MPP7: variants seen among roughly 807,000 people sequenced by gnomAD.
MPP7 encodes MAGUK p55 subfamily member 7.
A neutral mutation model predicts 76.5 loss-of-function variants in MPP7; 60 were observed. The observed-to-expected ratio is 0.78, with a 90% CI of 0.64 to 0.97. The LOEUF is 0.97. Ranked by LOEUF, MPP7 falls within the 50% of genes least tolerant of loss-of-function variation. MPP7 has a pLI of 0.00. For synonymous variants in MPP7, 237 were observed against 244.5 expected, an observed-to-expected ratio of 0.97 and a Z score of 0.29; for missense variants, 641 against 694.0, an observed-to-expected ratio of 0.92 and a Z score of 0.86.
intron 5 of MPP7, among the ~76,000 whole-genome samples, chr10:28,135,203 A>G (rs1835316211): frequency 6.6e-6 from 1 of 152,152 alleles, no homozygotes; most frequent in Admixed American, 6.5e-5. Context: ...TGAGTTGGGA[A>G]AACAGAGCTG....
chr10:28,247,897 A>G (rs532404932), intron 1 of MPP7, among the ~76,000 whole-genome samples: 1 of 152,248 alleles, frequency 6.6e-6, no homozygotes, highest in African/African-American at 2.4e-5. Flanking sequence ...AATAACCTCA[A>G]TTTTTATACT....
At chr10:28,320,781 A>C (rs1028375245) in intron 2 of MPP7, among the ~76,000 whole-genome samples, 4 of 150,928 alleles carry the variant, frequency 2.7e-5, no homozygotes, top group Non-Finnish European at 5.9e-5. Flanking sequence ...TCAAGCCTAC[A>C]TCTCCTATTT....
At chr10:28,249,798 C>T (rs1839553993) in intron 1 of MPP7, among the ~76,000 whole-genome samples, 1 of 152,124 alleles carries the variant, frequency 6.6e-6, no homozygotes, top group Non-Finnish European at 1.5e-5. Flanking sequence ...TGCACCTTCC[C>T]CTGGTGGGAG....
At chr10:28,272,753 G>T (rs1840365288) in intron 1 of MPP7, among the ~76,000 whole-genome samples, 1 of 152,100 alleles carries the variant, frequency 6.6e-6, no homozygotes, top group Admixed American at 6.6e-5. Flanking sequence ...AATGGAACAG[G>T]AGGGGAAAAG....
intron 1 of MPP7, among the ~76,000 whole-genome samples, chr10:28,239,851 A>G (rs1839208072): frequency 6.6e-6 from 1 of 152,198 alleles, no homozygotes; most frequent in African/African-American, 2.4e-5. Flanking sequence ...ATATGCAAAT[A>G]GAGACAATAG....
At chr10:28,111,690 A>G (rs1834511797) in intron 11 of MPP7, among the ~76,000 whole-genome samples, 1 of 152,228 alleles carries the variant, frequency 6.6e-6, no homozygotes, top group Admixed American at 6.5e-5. Flanking sequence ...GTTATGCAGA[A>G]TCATTTATTT....
intron 3 of MPP7, among the ~76,000 whole-genome samples, chr10:28,180,627 A>G (rs556781738): frequency 9.2e-5 from 14 of 152,346 alleles, no homozygotes; most frequent in Middle Eastern, 3.4e-3. Flanking sequence ...ATATTGTGGT[A>G]ATAAGCAATG....
At chr10:28,210,258 A>C (rs1028561628) in intron 2 of MPP7, among the ~76,000 whole-genome samples, 1 of 152,150 alleles carries the variant, frequency 6.6e-6, no homozygotes, top group African/African-American at 2.4e-5. Flanking sequence ...AAACACACAC[A>C]CCTATATAAG....
chr10:28,234,882 C>G (rs1312666498), intron 2 of MPP7, among the ~76,000 whole-genome samples: 12 of 152,212 alleles, frequency 7.9e-5, no homozygotes. Context: ...GTGATCACTG[C>G]TCACTGCAGC....
chr10:28,143,234 G>A (rs1835584221), intron 5 of MPP7, among the ~76,000 whole-genome samples: 1 of 152,126 alleles, frequency 6.6e-6, no homozygotes, highest in Non-Finnish European at 1.5e-5. Context: ...ATCCCTAGAG[G>A]TATATGAACA....
intron 2 of MPP7, among the ~76,000 whole-genome samples, chr10:28,223,883 C>A (rs925915755): frequency 6.7e-6 from 1 of 150,140 alleles, no homozygotes; most frequent in Non-Finnish European, 1.5e-5. Flanking sequence ...TCTTGGATGC[C>A]ATAAACGTCA....
intron 12 of MPP7, among the ~76,000 whole-genome samples, chr10:28,079,555 AC>A (rs1852662245): frequency 6.6e-6 from 1 of 152,204 alleles, no homozygotes; most frequent in Non-Finnish European, 1.5e-5. Flanking sequence ...TCAGGCAATA[AC>A]ATCAGCGCCT....
intron 1 of MPP7, among the ~76,000 whole-genome samples, chr10:28,259,866 C>G (rs1239971739): frequency 6.6e-6 from 1 of 151,784 alleles, no homozygotes; most frequent in Non-Finnish European, 1.5e-5. Context: ...CCCTGTAATG[C>G]CAACTGCTCA....
chr10:28,174,009 T>C (rs988908074), intron 3 of MPP7, among the ~76,000 whole-genome samples: 1 of 152,064 alleles, frequency 6.6e-6, no homozygotes, highest in Non-Finnish European at 1.5e-5. Flanking sequence ...AACAGTCCCA[T>C]ACGAAACATA....
chr10:28,312,610 T>G (rs1277083028), intron 2 of MPP7, among the ~76,000 whole-genome samples: 3 of 152,204 alleles, frequency 2.0e-5, no homozygotes, highest in Non-Finnish European at 4.4e-5. Context: ...CGTGAACACT[T>G]TGTAACACGT....
At chr10:28,262,249 A>G (rs1229923658) in intron 1 of MPP7, among the ~76,000 whole-genome samples, 4 of 62,818 alleles carry the variant, frequency 6.4e-5, no homozygotes, top group Admixed American at 2.4e-4. Context: ...ATATACATAT[A>G]TATATATATG....
rs1180997584 is a variant in MPP7, at chr10:28,052,139, GT to G, written c.*1925del. 3 of 151,978 alleles carry G rather than the reference GT, an allele frequency of 2.0e-5. No homozygotes were observed. The highest frequency in any genetic ancestry group is 7.3e-5 in the African/African-American group (3 of 41,376). The allele number at this position is 151,978 out of a possible 1,614,324, so 9.4% of individuals were successfully genotyped here. ...TATCTGCAATTTTTTTAAAATGTGG[GT>G]ATTTCAGGGTAAAGAATTTGGACTG... On this transcript the variant is annotated 3_prime_UTR_variant, in exon 17 of 17. Transcript: ENST00000683449.
chr10:28,184,344 T>A (rs1166580220), intron 3 of MPP7, among the ~76,000 whole-genome samples: 1 of 148,260 alleles, frequency 6.7e-6, no homozygotes, highest in Non-Finnish European at 1.5e-5. Context: ...ATTAAATGTA[T>A]CTTTATCTTA....
chr10:28,142,105 A>G (rs67781163), intron 5 of MPP7, among the ~76,000 whole-genome samples: 11,243 of 152,238 alleles, frequency 0.074, 474 homozygotes, highest in African/African-American at 0.11. Context: ...TCGTAAACTC[A>G]TCATGAAGAA....
Sources: gnomAD v4.1 joint callset for allele counts (sites outside exome capture counted in the v4.1 genomes callset) on GRCh38, gnomAD v4.1.1 for gene constraint, MANE v1.5 for transcripts, NCBI Gene and HGNC (gene_info 2026-07-23, HGNC 2026-07-21) for gene names.